The following ARL15 variants were observed in gnomAD, a reference collection of about 807,000 sequenced individuals.
ARL15 encodes the protein ARF like GTPase 15.
In ARL15, 19 loss-of-function variants were observed where a neutral mutation model predicts 25.2. That is an observed-to-expected ratio of 0.75 (90% CI 0.53 to 1.10). The LOEUF (loss-of-function observed/expected upper bound fraction) is 1.10. Ranked by LOEUF, ARL15 falls within the 50% of genes least tolerant of loss-of-function variation. ARL15 has a pLI of 0.00. For synonymous variants in ARL15, 94 were observed against 86.8 expected (o/e 1.08, Z -0.46); for missense variants, 220 against 246.0 (o/e 0.89, Z 0.71).
chr5:54,267,640 T>TA (rs1298375841), intron 1 of ARL15, among the ~76,000 whole-genome samples: 12 of 152,016 alleles, frequency 7.9e-5, no homozygotes, highest in African/African-American at 2.4e-4. Context: ...ATTACTTTTT[T>TA]TAAAAAAAAA....
At chr5:54,165,977 G>A (rs964207873) in intron 2 of ARL15, among the ~76,000 whole-genome samples, 1 of 152,004 alleles carries the variant, frequency 6.6e-6, no homozygotes, top group African/African-American at 2.4e-5. Flanking sequence ...ACCACATTAT[G>A]GAGGACAATC....
At position 53,903,539 on chromosome 5, in the gene ARL15, T is replaced by C. The variant is rs190974175; in HGVS notation, c.463-16826A>G. Among the ~76,000 whole-genome samples the C allele has an allele frequency of 1.8e-4, 28 of 152,190 alleles. No homozygotes were observed. The East Asian group carries it at 5.0e-3, about 27-fold the overall frequency. On this transcript the variant is annotated intron_variant, in intron 4 of 4. Coordinates refer to ENST00000504924, the MANE Select transcript of ARL15 (RefSeq NM_019087.3). ...GCCCAAAAGGTCAATAATGCCAAGATTGAAAAACCTTGCTCTGAACTGATC... is the reference window on the plus strand; with the variant it reads ...GCCCAAAAGGTCAATAATGCCAAGACTGAAAAACCTTGCTCTGAACTGATC...
At chr5:54,204,995 C>T (rs1755827676) in intron 1 of ARL15, among the ~76,000 whole-genome samples, 1 of 144,350 alleles carries the variant, frequency 6.9e-6, no homozygotes, top group African/African-American at 2.6e-5. Flanking sequence ...AGTGCAGTGG[C>T]ACAATCTTGG....
At chr5:53,988,586 G>A (rs1038738342) in intron 4 of ARL15, among the ~76,000 whole-genome samples, 9 of 152,156 alleles carry the variant, frequency 5.9e-5, no homozygotes, top group Non-Finnish European at 1.2e-4. Flanking sequence ...ATTGAATCAA[G>A]ATCTTTAATT....
chr5:53,967,309 C>T (rs910273334), intron 4 of ARL15, among the ~76,000 whole-genome samples: 4 of 152,172 alleles, frequency 2.6e-5, no homozygotes, highest in Admixed American at 2.6e-4. Flanking sequence ...GTTATCTCTT[C>T]TCTCTTCAAA....
intron 1 of ARL15, among the ~76,000 whole-genome samples, chr5:54,213,920 A>G (rs966645230): frequency 2.6e-5 from 4 of 152,226 alleles, no homozygotes; most frequent in Non-Finnish European, 5.9e-5. Flanking sequence ...GATTTAATTT[A>G]GTTGAGCAAC....
intron 4 of ARL15, among the ~76,000 whole-genome samples, chr5:54,112,788 A>G (rs988086103): frequency 6.6e-6 from 1 of 152,218 alleles, no homozygotes; most frequent in African/African-American, 2.4e-5. Context: ...ATCCTAGTCA[A>G]CATTGAACAC....
intron 4 of ARL15, among the ~76,000 whole-genome samples, chr5:53,930,796 G>A (rs1746172432): frequency 6.6e-6 from 1 of 152,000 alleles, no homozygotes; most frequent in Non-Finnish European, 1.5e-5. Context: ...GATGCAGGTC[G>A]GTAGAGGGAA....
intron 1 of ARL15, among the ~76,000 whole-genome samples, chr5:54,289,140 T>C (rs1758257994): frequency 6.6e-6 from 1 of 152,228 alleles, no homozygotes; most frequent in Non-Finnish European, 1.5e-5. Context: ...TCAAGGATTT[T>C]AGATGCCCAA....
chr5:54,260,447 G>A (rs1222356152), intron 1 of ARL15, among the ~76,000 whole-genome samples: 3 of 152,046 alleles, frequency 2.0e-5, no homozygotes, highest in Non-Finnish European at 4.4e-5. Flanking sequence ...TCAGAGTCTG[G>A]TCTGTCACTT....
At chr5:54,262,010 T>C (rs1455175678) in intron 1 of ARL15, among the ~76,000 whole-genome samples, 1 of 152,178 alleles carries the variant, frequency 6.6e-6, no homozygotes, top group Non-Finnish European at 1.5e-5. Flanking sequence ...TAAAAATCAT[T>C]AAATCAATGG....
chr5:54,087,596 C>T (rs766582449), intron 4 of ARL15, among the ~76,000 whole-genome samples: 5 of 152,076 alleles, frequency 3.3e-5, no homozygotes, highest in Non-Finnish European at 5.9e-5. Flanking sequence ...ACAAATATTC[C>T]ACTCTTTTAA....
At chr5:54,121,638 G>T (rs1753079012) in intron 3 of ARL15, among the ~76,000 whole-genome samples, 1 of 151,962 alleles carries the variant, frequency 6.6e-6, no homozygotes, top group Non-Finnish European at 1.5e-5. Context: ...AATTTTCCTT[G>T]AAAACAAAGC....
chr5:54,003,708 C>CTATCTATG lies in ARL15; in HGVS notation c.462+109493_462+109494insCATAGATA, dbSNP rs1561184716. Among the ~76,000 whole-genome samples the CTATCTATG allele has an allele frequency of 5.9e-5, 8 of 136,358 alleles. No homozygotes were observed. The Admixed American group carries it at 6.1e-4, about 10-fold the overall frequency. 89.5% of individuals were successfully genotyped at this position (136,358 alleles called of 152,430 possible). On this transcript the variant is annotated intron_variant, in intron 4 of 4. Transcript: ENST00000504924. ...TCTATCTATCTATCTATCTATCTAT[C>CTATCTATG]TATCTATCTCTACTTTGGCCTGGAA...
At chr5:54,094,378 G>A (rs156435) in intron 4 of ARL15, among the ~76,000 whole-genome samples, 125,822 of 151,446 alleles carry the variant, frequency 0.83, 52,305 homozygotes, top group Middle Eastern at 0.86. Context: ...AAAGATTTTT[G>A]ATTAGGAATA....
intron 1 of ARL15, among the ~76,000 whole-genome samples, chr5:54,240,743 A>ATCCGAAATCCACAAAGC (rs529897242): frequency 1.2e-3 from 180 of 152,226 alleles, no homozygotes; most frequent in Middle Eastern, 6.8e-3. Flanking sequence ...AGGATCCCTA[A>ATCCGAAATCCACAAAGC]TCCGAAATCC....
chr5:53,920,912 C>T (rs1266032778), intron 4 of ARL15, among the ~76,000 whole-genome samples: 2 of 152,012 alleles, frequency 1.3e-5, no homozygotes, highest in African/African-American at 4.8e-5. Context: ...TTTGTGATGT[C>T]CCCTTTTTGT....
chr5:54,025,287 CAAAAAAA>C (rs756211559), intron 4 of ARL15, among the ~76,000 whole-genome samples: 7 of 80,192 alleles, frequency 8.7e-5, no homozygotes, highest in African/African-American at 4.2e-4. Context: ...ACAAAGGGAC[CAAAAAAA>C]AAAAAAAAAA....
At chr5:54,300,345 C>T (rs1414894889) in intron 1 of ARL15, among the ~76,000 whole-genome samples, 1 of 152,190 alleles carries the variant, frequency 6.6e-6, no homozygotes, top group Non-Finnish European at 1.5e-5. Context: ...CATAGAAAGA[C>T]CACATGAAGA....
Sources: gnomAD v4.1 joint callset for allele counts (sites outside exome capture counted in the v4.1 genomes callset) on GRCh38, gnomAD v4.1.1 for gene constraint, MANE v1.5 for transcripts, NCBI Gene and HGNC (gene_info 2026-07-23, HGNC 2026-07-21) for gene names.